The following GABBR2 variants were observed in gnomAD, a reference collection of about 807,000 sequenced individuals.
GABBR2 encodes the protein G-protein coupled receptor 51.
GABBR2 carries 23 observed loss-of-function variants against 105.6 expected under a neutral mutation model. That is an observed-to-expected ratio of 0.22 (90% CI 0.16 to 0.31). The LOEUF is 0.31. GABBR2 is among the 10% of genes least tolerant of loss of function. The probability of loss-of-function intolerance (pLI) is 1.00; values close to 1 mark genes in which losing one functional copy is unlikely to be tolerated. For synonymous variants in GABBR2, 478 were observed against 499.7 expected, an observed-to-expected ratio of 0.96 and a Z score of 0.58; for missense variants, 734 against 1,245.5, an observed-to-expected ratio of 0.59 and a Z score of 6.18.
chr9:98,560,357 C>T (rs982969641), intron 2 of GABBR2, among the ~76,000 whole-genome samples: 1 of 151,862 alleles, frequency 6.6e-6, no homozygotes, highest in Non-Finnish European at 1.5e-5. Flanking sequence ...TTCTTCCTCT[C>T]CACTATCCCA....
At chr9:98,533,397 C>A (rs1828105915) in intron 3 of GABBR2, among the ~76,000 whole-genome samples, 1 of 152,090 alleles carries the variant, frequency 6.6e-6, no homozygotes. Flanking sequence ...TCTTCACAAG[C>A]CTGGATGCTG....
chr9:98,672,242 C>A (rs1564147576), intron 1 of GABBR2, among the ~76,000 whole-genome samples: 1 of 152,150 alleles, frequency 6.6e-6, no homozygotes, highest in Non-Finnish European at 1.5e-5. Flanking sequence ...TGGCGACCAC[C>A]ATTCCACTTC....
chr9:98,670,453 C>T (rs980941638), intron 1 of GABBR2, among the ~76,000 whole-genome samples: 2 of 152,128 alleles, frequency 1.3e-5, no homozygotes, highest in Admixed American at 1.3e-4. Context: ...TAAAAATTAT[C>T]ATATGGTCCA....
intron 2 of GABBR2, among the ~76,000 whole-genome samples, chr9:98,546,499 G>A (rs888052628): frequency 5.9e-5 from 9 of 152,156 alleles, no homozygotes; most frequent in East Asian, 1.9e-4. Flanking sequence ...TTCATTGAGC[G>A]AGTGAAGATT....
intron 3 of GABBR2, among the ~76,000 whole-genome samples, chr9:98,532,015 A>G (rs1828076757): frequency 6.6e-6 from 1 of 152,214 alleles, no homozygotes; most frequent in Non-Finnish European, 1.5e-5. Context: ...TTTCAATTGA[A>G]CGGTGTCACT....
At chr9:98,361,745 T>C (rs1299056841) in intron 13 of GABBR2, among the ~76,000 whole-genome samples, 1 of 152,138 alleles carries the variant, frequency 6.6e-6, no homozygotes, top group Non-Finnish European at 1.5e-5. Flanking sequence ...TGGAAGGTGG[T>C]CAGGTGGAGG....
intron 16 of GABBR2, chr9:98,303,013 G>T: frequency 2.1e-6 from 1 of 480,554 alleles, no homozygotes; most frequent in Non-Finnish European, 3.7e-6. Context: ...ATCAGGTGTT[G>T]CTGGCCTCCA....
intron 18 of GABBR2, among the ~76,000 whole-genome samples, chr9:98,291,686 T>A (rs1012553495): frequency 6.6e-6 from 1 of 152,240 alleles, no homozygotes; most frequent in Non-Finnish European, 1.5e-5. Context: ...CCTTTCCACC[T>A]GTAAGCCCTG....
At chr9:98,321,263 G>T (rs555396499) in intron 13 of GABBR2, among the ~76,000 whole-genome samples, 1 of 152,238 alleles carries the variant, frequency 6.6e-6, no homozygotes, top group East Asian at 1.9e-4. Context: ...TTGAGTGGAC[G>T]TTTCTGCTTG....
At chr9:98,700,065 A>C (rs560527355) in intron 1 of GABBR2, among the ~76,000 whole-genome samples, 1 of 152,276 alleles carries the variant, frequency 6.6e-6, no homozygotes, top group African/African-American at 2.4e-5. Context: ...CCCTTCCCCC[A>C]CATCCTCTGC....
At chr9:98,400,816 G>A (rs1420127081) in intron 8 of GABBR2, among the ~76,000 whole-genome samples, 6 of 152,174 alleles carry the variant, frequency 3.9e-5, no homozygotes, top group South Asian at 2.1e-4. Context: ...GGAGCAACAC[G>A]CATCTTGCAA....
At chr9:98,351,531 T>C (rs1831399126) in intron 13 of GABBR2, among the ~76,000 whole-genome samples, 1 of 152,258 alleles carries the variant, frequency 6.6e-6, no homozygotes, top group Non-Finnish European at 1.5e-5. Context: ...TTTCCTGTTT[T>C]TGCTTATCTG....
chr9:98,332,677 G>A (rs1831048606), intron 13 of GABBR2, among the ~76,000 whole-genome samples: 4 of 152,220 alleles, frequency 2.6e-5, no homozygotes, highest in Admixed American at 2.6e-4. Flanking sequence ...CCAGAAGCCT[G>A]CCATATATTT....
intron 3 of GABBR2, among the ~76,000 whole-genome samples, chr9:98,519,668 C>T (rs970488972): frequency 1.3e-5 from 2 of 151,054 alleles, no homozygotes; most frequent in Non-Finnish European, 2.9e-5. Context: ...CAAAGTCTAT[C>T]TCTTTCTACA....
At chr9:98,680,392 G>A (rs1318518780) in intron 1 of GABBR2, among the ~76,000 whole-genome samples, 9 of 151,892 alleles carry the variant, frequency 5.9e-5, no homozygotes, top group Admixed American at 5.2e-4. Flanking sequence ...TGCAAGCTCC[G>A]CCTCCCAGGT....
At chr9:98,369,187 T>C (rs577225962) in intron 12 of GABBR2, among the ~76,000 whole-genome samples, 1 of 152,244 alleles carries the variant, frequency 6.6e-6, no homozygotes, top group African/African-American at 2.4e-5. Context: ...AGAGTTGTCA[T>C]AAATGCTGCC....
chr9:98,436,153 C>T (rs1825898810), intron 7 of GABBR2, among the ~76,000 whole-genome samples: 1 of 149,984 alleles, frequency 6.7e-6, no homozygotes, highest in Non-Finnish European at 1.5e-5. Context: ...CAAGTTTTTA[C>T]CTGTGGTCCC....
intron 1 of GABBR2, among the ~76,000 whole-genome samples, chr9:98,678,207 A>T (rs1830499047): frequency 6.6e-6 from 1 of 151,926 alleles, no homozygotes; most frequent in Non-Finnish European, 1.5e-5. Flanking sequence ...CTTTTTGCCA[A>T]CTCATTATTT....
chr9:98,621,854 G>A (rs1829674336), intron 1 of GABBR2, among the ~76,000 whole-genome samples: 1 of 152,128 alleles, frequency 6.6e-6, no homozygotes, highest in Non-Finnish European at 1.5e-5. Flanking sequence ...AGAAGGAATG[G>A]AAGTGTATCT....
Sources: gnomAD v4.1 joint callset for allele counts (sites outside exome capture counted in the v4.1 genomes callset) on GRCh38, gnomAD v4.1.1 for gene constraint, MANE v1.5 for transcripts, NCBI Gene and HGNC (gene_info 2026-07-23, HGNC 2026-07-21) for gene names.